The following PMP22 variants were observed in gnomAD, a reference collection of about 807,000 sequenced individuals.
PMP22 encodes peripheral myelin protein 22, also known as Charcot-Marie-Tooth neuropathy 1A (greatly reduced nerve conduction velocity, hereditary motor sensory neuropathy Ia).
Under a neutral mutation model 18.9 loss-of-function variants are expected in PMP22, and 2 were observed. That is an observed-to-expected ratio of 0.11 (90% CI 0.04 to 0.33). PMP22 has a LOEUF of 0.33. Ranked by LOEUF, PMP22 falls within the 10% of genes least tolerant of loss-of-function variation. PMP22 has a pLI of 1.00. For missense variants in PMP22, 169 were observed against 202.2 expected (o/e 0.84, Z 1.00); for synonymous variants, 95 against 89.2 (o/e 1.07, Z -0.37).
chr17:15,232,162 C>T (rs1906416877), intron 4 of PMP22, among the ~76,000 whole-genome samples: 1 of 151,732 alleles, frequency 6.6e-6, no homozygotes, highest in Non-Finnish European at 1.5e-5. Context: ...CATCTAACCT[C>T]ACTGCTATTT....
rs1196980214 is a variant in PMP22, at chr17:15,230,841, T to C, written c.*76A>G. 7 of 1,547,786 alleles carry C rather than the reference T, an allele frequency of 4.5e-6. No homozygotes were observed. The African/African-American group carries it at 8.2e-5, about 18-fold the overall frequency. ...TTGGGATTTTGGGCTAGCTCTTTTTTCTTTGTCTGCTTTCTGTTTTCCCTT... is the reference window on the plus strand; with the variant it reads ...TTGGGATTTTGGGCTAGCTCTTTTTCCTTTGTCTGCTTTCTGTTTTCCCTT... On this transcript the variant is annotated 3_prime_UTR_variant, in exon 5 of 5. Transcript: ENST00000312280.
At chr17:15,235,196 AAGAG>A in intron 4 of PMP22, 1 of 717,390 alleles carries the variant, frequency 1.4e-6, no homozygotes, top group African/African-American at 1.7e-5. Flanking sequence ...CAATAACAAA[AAGAG>A]AGAGAAAGTG....
chr17:15,259,087 G>A lies in PMP22; in HGVS notation c.178+7C>T. The A allele has an allele frequency of 1.3e-6, 2 of 1,596,838 alleles. No individual in the cohort carries two copies. The highest frequency in any genetic ancestry group is 1.7e-6 in the Non-Finnish European group (2 of 1,164,244). On this transcript the variant is annotated splice_region_variant and intron_variant, in intron 3 of 4. Coordinates refer to ENST00000312280, the MANE Select transcript of PMP22 (RefSeq NM_000304.4). ...GACAAGCTCATGGAGCACAAAACCA[G>A]CCTCACCGTTTGGTGATGATGAGAA...
intron 3 of PMP22, among the ~76,000 whole-genome samples, chr17:15,253,874 C>T (rs1335285795): frequency 6.6e-6 from 1 of 152,158 alleles, no homozygotes; most frequent in Non-Finnish European, 1.5e-5. Context: ...TTACCATTGC[C>T]CCCAAATTCT....
rs549451809 is a variant in PMP22, at chr17:15,243,900, AAAG to A, written c.179-4292_179-4290del. On this transcript the variant is annotated intron_variant, in intron 3 of 4. Coordinates refer to ENST00000312280, the MANE Select transcript of PMP22 (RefSeq NM_000304.4). ...TGGTGTTAATCATGAAAGAAAAATA[AAAG>A]AATGGGATGGAATAAGACTTTGGAA... Among the ~76,000 whole-genome samples the A allele has an allele frequency of 4.3e-3, 646 of 151,782 alleles. 5 individuals carry two copies. Among genetic ancestry groups the A allele is most frequent in the African/African-American group, 0.014 (598 of 41,490 alleles).
Position 15,254,455 on chromosome 17 carries a change from C to T in PMP22, c.178+4639G>A, listed in dbSNP as rs758174135. ...AAGAAGGAAACGCGTCAAGTCAAGG[C>T]AGACTCTAGATGTTTGGCTTGCTGG... On this transcript the variant is annotated intron_variant, in intron 3 of 4. Transcript: ENST00000312280. Among the ~76,000 whole-genome samples, 72 of 152,294 alleles carry T rather than the reference C, an allele frequency of 4.7e-4. 1 individual carries two copies. The highest frequency in any genetic ancestry group is 6.8e-3 in the Middle Eastern group (2 of 294).
chr17:15,239,626 C>G lies in PMP22; in HGVS notation c.179-15G>C, dbSNP rs778711455. 17 of 1,613,610 alleles carry G rather than the reference C, an allele frequency of 1.1e-5. No homozygotes were observed. Among genetic ancestry groups the G allele is most frequent in the Non-Finnish European group, 1.4e-5 (16 of 1,179,832 alleles). On this transcript the variant is annotated splice_polypyrimidine_tract_variant and intron_variant, in intron 3 of 4. Transcript: ENST00000312280. ...CTGCAGCCATTCTGGGGGAAAGAGA[C>G]ACTTGGTTAGGAGAGCTGGCCATGG...
At chr17:15,256,129 AAGTC>A (rs1258097450) in intron 3 of PMP22, among the ~76,000 whole-genome samples, 1 of 152,214 alleles carries the variant, frequency 6.6e-6, no homozygotes, top group Non-Finnish European at 1.5e-5. Flanking sequence ...GGCGGAGTCA[AAGTC>A]AGTTAGTTAA....
intron 3 of PMP22, among the ~76,000 whole-genome samples, chr17:15,257,540 T>C (rs1251576200): frequency 2.0e-5 from 3 of 152,130 alleles, no homozygotes; most frequent in Non-Finnish European, 4.4e-5. Flanking sequence ...CAGTAGCGAG[T>C]ACGGAGACTC....
intron 4 of PMP22, among the ~76,000 whole-genome samples, chr17:15,235,501 T>C (rs1166720189): frequency 6.6e-6 from 1 of 152,200 alleles, no homozygotes; most frequent in South Asian, 2.1e-4. Context: ...TAGATGGCTA[T>C]AGGTTCTGAA....
intron 2 of PMP22, among the ~76,000 whole-genome samples, chr17:15,260,118 T>A (rs1012629020): frequency 6.6e-6 from 1 of 152,118 alleles, no homozygotes; most frequent in Non-Finnish European, 1.5e-5. Flanking sequence ...GTAACAGAAG[T>A]TACTCTGATG....
intron 3 of PMP22, among the ~76,000 whole-genome samples, chr17:15,253,924 C>A (rs998024736): frequency 6.6e-6 from 1 of 152,326 alleles, no homozygotes; most frequent in African/African-American, 2.4e-5. Context: ...AACATAAGCT[C>A]TTGTTCACTC....
At position 15,239,395 on chromosome 17, in the gene PMP22, T is replaced by A. The variant is rs780980827; in HGVS notation, c.319+76A>T. On this transcript the variant is annotated intron_variant, in intron 4 of 4. Transcript: ENST00000312280. ...GAACATCAGTCATTCTGAGGCCACATCCTTCTACTAAACTAATCATTCCGC... is the reference window on the plus strand; with the variant it reads ...GAACATCAGTCATTCTGAGGCCACAACCTTCTACTAAACTAATCATTCCGC... 3.0e-5 allele frequency: 46 copies of A among 1,516,150 alleles called. No homozygotes were observed. The African/African-American group carries it at 5.3e-4, about 18-fold the overall frequency. 93.9% of individuals were successfully genotyped at this position (1,516,150 alleles called of 1,614,324 possible). A position where few individuals can be genotyped will look rare whatever the true frequency, so the allele number is the denominator to read the frequency against.
chr17:15,255,483 T>A (rs1908741640), intron 3 of PMP22, among the ~76,000 whole-genome samples: 1 of 152,048 alleles, frequency 6.6e-6, no homozygotes, highest in Non-Finnish European at 1.5e-5. Flanking sequence ...ACCCAAGAGA[T>A]GGCAAAGAAA....
Position 15,231,020 on chromosome 17 carries a change from T to C in PMP22, c.380A>G (p.Asn127Ser), listed in dbSNP as rs1345860559. The C allele has an allele frequency of 1.2e-6, 2 of 1,613,946 alleles. No homozygotes were observed. The highest frequency in any genetic ancestry group is 3.3e-5 in the Admixed American group (2 of 60,018). Residue 127 changes from asparagine to serine, a missense_variant, in exon 5 of 5, where the codon AAC becomes AGC. Asn to Ser is a conservative substitution (Grantham distance 46). Transcript: ENST00000312280. ...YTVRHPEWHLNSDYSYGFAYI... is the reference protein window; with the variant it reads ...YTVRHPEWHLSSDYSYGFAYI... ...GGCGAAACCGTAGGAGTAATCCGAG[T>C]TGAGATGCCACTCCGGGTGCCTCAC...
rs66493393 is a variant in PMP22 at position 15,246,989 on chromosome 17, G to GA, written c.179-7379dup. Among the ~76,000 whole-genome samples the GA allele has an allele frequency of 3.7e-3, 537 of 144,644 alleles. 4 individuals are homozygous for GA. Among genetic ancestry groups the GA allele is most frequent in the African/African-American group, 0.013 (519 of 39,038 alleles). 94.9% of individuals were successfully genotyped at this position (144,644 alleles called of 152,430 possible). On this transcript the variant is annotated intron_variant, in intron 3 of 4. Coordinates refer to ENST00000312280, the MANE Select transcript of PMP22 (RefSeq NM_000304.4). ...GGAGGCTGGAGCAGGAGAATCACTT[G>GA]AACCCGGAAGGCGGAGACTGCAGTG... is the stretch of plus-strand genomic sequence containing the variant.
chr17:15,231,748 A>G (rs946350374), intron 4 of PMP22, among the ~76,000 whole-genome samples: 4 of 152,206 alleles, frequency 2.6e-5, no homozygotes, highest in Admixed American at 2.0e-4. Flanking sequence ...AGATGATCAA[A>G]GGCAAGCTCC....
intron 3 of PMP22, among the ~76,000 whole-genome samples, chr17:15,249,666 T>C (rs1908149395): frequency 1.3e-5 from 2 of 152,274 alleles, no homozygotes; most frequent in South Asian, 2.1e-4. Context: ...CTTATGCAGC[T>C]GGGACCAGCA....
At chr17:15,247,230 G>A (rs1478087012) in intron 3 of PMP22, among the ~76,000 whole-genome samples, 5 of 152,040 alleles carry the variant, frequency 3.3e-5, no homozygotes, top group Admixed American at 6.5e-5. Context: ...TTAGCTGGGC[G>A]TGGTGGCGGG....
Sources: allele counts gnomAD v4.1 joint callset (sites outside exome capture counted in the v4.1 genomes callset), GRCh38; gene constraint gnomAD v4.1.1; transcripts MANE v1.5; gene names NCBI Gene and HGNC (gene_info 2026-07-23, HGNC 2026-07-21).